PALS2: variants seen among roughly 807,000 people sequenced by gnomAD.
The protein encoded by PALS2 is protein PALS2.
A neutral mutation model predicts 61.6 loss-of-function variants in PALS2; 27 were observed. That is an observed-to-expected ratio of 0.44 (90% CI 0.32 to 0.60). PALS2 has a LOEUF of 0.60. PALS2 is among the 20% of genes least tolerant of loss of function. PALS2 has a pLI of 0.05. For missense variants in PALS2, 554 were observed against 639.4 expected, an observed-to-expected ratio of 0.87 and a Z score of 1.44; for synonymous variants, 236 against 218.6, an observed-to-expected ratio of 1.08 and a Z score of -0.70.
chr7:24,682,530 C>G (rs115161407), intron 11 of PALS2, among the ~76,000 whole-genome samples: 80 of 152,298 alleles, frequency 5.3e-4, no homozygotes, highest in African/African-American at 1.9e-3. Context: ...GAAACTCTTT[C>G]AAGCCAGGAA....
chr7:24,611,440 A>C (rs975327161), intron 1 of PALS2, among the ~76,000 whole-genome samples: 2 of 151,998 alleles, frequency 1.3e-5, no homozygotes, highest in Non-Finnish European at 1.5e-5. Flanking sequence ...ATTTAAAACT[A>C]TTCTTGATTT....
In PALS2 at chr7:24,660,083, C is replaced by T. The variant is rs189764270; in HGVS notation, c.652-3507C>T. Among the ~76,000 whole-genome samples the T allele has an allele frequency of 1.4e-4, 21 of 152,320 alleles. No individual in the cohort carries two copies. The East Asian group carries it at 4.0e-3, about 29-fold the overall frequency. ...CTTTTAGGATCACTATCTTCATTGC[C>T]TGATCTCGGACATCTTGAAAGACAT... On this transcript the variant is annotated intron_variant, in intron 5 of 11. Coordinates refer to ENST00000222644, the MANE Select transcript of PALS2 (RefSeq NM_001303037.2).
intron 9 of PALS2, among the ~76,000 whole-genome samples, chr7:24,669,526 G>T (rs2128089728): frequency 6.6e-6 from 1 of 152,278 alleles, no homozygotes; most frequent in Middle Eastern, 3.4e-3. Flanking sequence ...TCCCATTGCT[G>T]TGCTTCTATT....
intron 1 of PALS2, among the ~76,000 whole-genome samples, chr7:24,597,554 G>A (rs1191320030): frequency 6.6e-6 from 1 of 152,140 alleles, no homozygotes; most frequent in Non-Finnish European, 1.5e-5. Flanking sequence ...ATTTAAGGAT[G>A]GAGAAGATGT....
rs577939774 is a variant in PALS2, at chr7:24,662,426, A to C, written c.652-1164A>C. Among the ~76,000 whole-genome samples, 13 of 152,316 alleles carry C rather than the reference A, an allele frequency of 8.5e-5. No homozygotes were observed. The South Asian group carries it at 2.5e-3, about 29-fold the overall frequency. ...GATTAATGCTAAGGCAATTCTTTAG[A>C]AGATAACATTTGAATTTCTATAAAT... On this transcript the variant is annotated intron_variant, in intron 5 of 11. Coordinates refer to ENST00000222644, the MANE Select transcript of PALS2 (RefSeq NM_001303037.2).
intron 5 of PALS2, among the ~76,000 whole-genome samples, chr7:24,663,186 C>G (rs185137508): frequency 3.1e-4 from 47 of 152,226 alleles, no homozygotes; most frequent in Admixed American, 1.0e-3. Flanking sequence ...TCACAGAGTT[C>G]TAATACATCT....
intron 1 of PALS2, among the ~76,000 whole-genome samples, chr7:24,590,591 T>C (rs1783246312): frequency 6.6e-6 from 1 of 152,242 alleles, no homozygotes; most frequent in Non-Finnish European, 1.5e-5. Context: ...AACTTCCTTA[T>C]TGTCTTCCTT....
intron 2 of PALS2, among the ~76,000 whole-genome samples, chr7:24,629,952 A>C (rs1255541693): frequency 1.3e-5 from 2 of 152,204 alleles, no homozygotes; most frequent in Admixed American, 6.5e-5. Context: ...TAGAAATACC[A>C]TTTGACCCAG....
chr7:24,584,346 T>G lies in PALS2; in HGVS notation c.-3+10753T>G, dbSNP rs1782972870. On this transcript the variant is annotated intron_variant, in intron 1 of 11. Coordinates refer to ENST00000222644, the MANE Select transcript of PALS2 (RefSeq NM_001303037.2). ...CTGTTGTTTCCTGACTTTTTAATGATTGCCATTCTAACTGGTGTGAGATGG... is the reference window on the plus strand; with the variant it reads ...CTGTTGTTTCCTGACTTTTTAATGAGTGCCATTCTAACTGGTGTGAGATGG... Among the ~76,000 whole-genome samples the G allele has an allele frequency of 2.0e-5, 3 of 149,588 alleles. No homozygotes were observed. The South Asian group carries it at 6.5e-4, about 32-fold the overall frequency.
In PALS2 at chr7:24,596,856, C is replaced by A. The variant is rs186502721; in HGVS notation, c.-3+23263C>A. 1.3e-5 allele frequency among the ~76,000 whole-genome samples: 2 copies of A among 152,134 alleles called. No homozygotes were observed. Among genetic ancestry groups the A allele is most frequent in the East Asian group, 3.9e-4 (2 of 5,170 alleles). The stretch of plus-strand genomic sequence containing the variant: ...CCAGTTAAGAGGCTTTTAAAGTAGT[C>A]TAGGCAAGAGAATATTAGAAACTCT... On this transcript the variant is annotated intron_variant, in intron 1 of 11. Transcript: ENST00000222644. This position sits in a 1 kb window ranked among gnomAD's most constrained non-coding sequence, Gnocchi z 4.5.
chr7:24,646,540 T>C (rs994486247), intron 3 of PALS2, among the ~76,000 whole-genome samples: 1 of 152,184 alleles, frequency 6.6e-6, no homozygotes, highest in Non-Finnish European at 1.5e-5. Flanking sequence ...GATGTGCCGA[T>C]TGATTTGGTT....
intron 3 of PALS2, among the ~76,000 whole-genome samples, chr7:24,644,280 C>T (rs1227977065): frequency 6.6e-6 from 1 of 151,798 alleles, no homozygotes; most frequent in Non-Finnish European, 1.5e-5. Flanking sequence ...TCAGGTAGAC[C>T]CCAGTCTCTG....
At chr7:24,617,897 A>G (rs1322506863) in intron 1 of PALS2, among the ~76,000 whole-genome samples, 1 of 152,146 alleles carries the variant, frequency 6.6e-6, no homozygotes, top group African/African-American at 2.4e-5. Flanking sequence ...CTATTTCTCA[A>G]GTTCTCAGGG....
chr7:24,615,593 A>AT (rs1178267890), intron 1 of PALS2, among the ~76,000 whole-genome samples: 1 of 151,642 alleles, frequency 6.6e-6, no homozygotes, highest in African/African-American at 2.4e-5. Context: ...TGAATCAGTA[A>AT]TAAAAAAAAA....
chr7:24,665,440 C>A, intron 6 of PALS2, 148 bp from the exon 7 acceptor site: 1 of 620,270 alleles, frequency 1.6e-6, no homozygotes, highest in South Asian at 2.4e-5. Context: ...GTTTAAATAT[C>A]TTAACTGACA....
At position 24,596,806 on chromosome 7, in the gene PALS2, T is replaced by TG. The variant is rs1783542449; in HGVS notation, c.-3+23217dup. ...ACATAGTAGGAAGCATGGACTGTGGTGGGGAGAGATTGGGGATTAGTATAC... is the reference window on the plus strand; with the variant it reads ...ACATAGTAGGAAGCATGGACTGTGGTGGGGGAGAGATTGGGGATTAGTATAC... On this transcript the variant is annotated intron_variant, in intron 1 of 11. Transcript: ENST00000222644. This position sits in a 1 kb window ranked among gnomAD's most constrained non-coding sequence, Gnocchi z 4.5. Among the ~76,000 whole-genome samples, 1 of 152,142 alleles carries TG rather than the reference T, an allele frequency of 6.6e-6. No homozygotes were observed. Among genetic ancestry groups the TG allele is most frequent in the African/African-American group, 2.4e-5 (1 of 41,442 alleles).
At chr7:24,648,362 G>A (rs764541107) in intron 3 of PALS2, among the ~76,000 whole-genome samples, 1 of 143,436 alleles carries the variant, frequency 7.0e-6, no homozygotes, top group Non-Finnish European at 1.5e-5. Flanking sequence ...GTGCAATCTC[G>A]GCTCACTGCA....
intron 1 of PALS2, among the ~76,000 whole-genome samples, chr7:24,610,879 T>G (rs1784088382): frequency 1.3e-5 from 2 of 152,260 alleles, no homozygotes; most frequent in South Asian, 2.1e-4. Flanking sequence ...ATACTGTAAG[T>G]TATGCAACAT....
At chr7:24,636,682 A>C (rs1177659553) in intron 2 of PALS2, among the ~76,000 whole-genome samples, 5 of 152,194 alleles carry the variant, frequency 3.3e-5, no homozygotes, top group Non-Finnish European at 7.4e-5. Flanking sequence ...TATAAAATTA[A>C]ATTTTTAAAG....
Sources: allele counts gnomAD v4.1 joint callset (sites outside exome capture counted in the v4.1 genomes callset), GRCh38; gene constraint gnomAD v4.1.1; non-coding constraint Gnocchi (gnomAD v3.1); transcripts MANE v1.5; gene names NCBI Gene and HGNC (gene_info 2026-07-23, HGNC 2026-07-21).